Variants in SLC5A8 observed in about 807,000 individuals in gnomAD.
SLC5A8 encodes the protein sodium-coupled monocarboxylate transporter 1.
A neutral mutation model predicts 71.9 loss-of-function variants in SLC5A8; 55 were observed. The observed-to-expected ratio is 0.77, with a 90% CI of 0.62 to 0.96. SLC5A8 has a LOEUF of 0.96. Ranked by LOEUF, SLC5A8 falls within the 40% of genes least tolerant of loss-of-function variation. SLC5A8 has a pLI of 0.00. For missense variants in SLC5A8, 701 were observed against 745.3 expected (o/e 0.94, Z 0.69); for synonymous variants, 307 against 276.1 (o/e 1.11, Z -1.11).
At chr12:101,192,902 C>CTT (rs546151360) in intron 5 of SLC5A8, among the ~76,000 whole-genome samples, 2 of 139,792 alleles carry the variant, frequency 1.4e-5, no homozygotes, top group African/African-American at 5.2e-5. Flanking sequence ...GTCTCTGTCT[C>CTT]TTTTTTTTTT....
intron 7 of SLC5A8, among the ~76,000 whole-genome samples, chr12:101,185,459 A>C (rs1868591965): frequency 6.6e-6 from 1 of 152,208 alleles, no homozygotes; most frequent in Admixed American, 6.5e-5. Flanking sequence ...ATGAAATAGG[A>C]TTGATGGAGA....
chr12:101,200,570 G>C (rs554952327), intron 3 of SLC5A8, among the ~76,000 whole-genome samples: 1 of 152,054 alleles, frequency 6.6e-6, no homozygotes, highest in Admixed American at 6.6e-5. Flanking sequence ...AAAAATCAGG[G>C]AAATGTAAAC....
chr12:101,209,948 G>T lies in SLC5A8; in HGVS notation c.-100C>A. 1 of 1,158,272 alleles carries T rather than the reference G, an allele frequency of 8.6e-7. No homozygotes were observed. The highest frequency in any genetic ancestry group is 1.2e-6 in the Non-Finnish European group (1 of 860,676). 71.7% of individuals were successfully genotyped at this position (1,158,272 alleles called of 1,614,324 possible). On this transcript the variant is annotated 5_prime_UTR_variant, in exon 1 of 15. Coordinates refer to ENST00000536262, the MANE Select transcript of SLC5A8 (RefSeq NM_145913.5). The stretch of plus-strand genomic sequence containing the variant: ...CTTATCCCGGATCCCTGGCGCGCAG[G>T]CGTGGCGTCCCGCGGGGACTGGAGG...
In SLC5A8 at chr12:101,195,137, C is replaced by T. The variant is rs200010622; in HGVS notation, c.495G>A (p.Ala165=). ...NQVTGFDLWG[A]VVATGVVCTF... ...TGCAGACCACCCCCGTTGCCACTAC[C>T]GCGCCCCACAGATCAAATCCTGTGA... The change falls in exon 4 of 15, where the codon GCG becomes GCA. Residue 165 remains alanine, a synonymous_variant. Transcript: ENST00000536262. 1.1e-5 allele frequency: 17 copies of T among 1,613,900 alleles called. No individual in the cohort carries two copies. The highest frequency in any genetic ancestry group is 3.3e-5 in the South Asian group (3 of 91,066).
chr12:101,171,135 A>T (rs547571380), intron 10 of SLC5A8, among the ~76,000 whole-genome samples: 46 of 152,088 alleles, frequency 3.0e-4, no homozygotes, highest in Non-Finnish European at 5.6e-4. Flanking sequence ...CTCCTTTCTT[A>T]TACTTGTATT....
intron 10 of SLC5A8, among the ~76,000 whole-genome samples, chr12:101,173,126 T>A (rs1261666136): frequency 6.6e-6 from 1 of 152,214 alleles, no homozygotes; most frequent in Non-Finnish European, 1.5e-5. Flanking sequence ...ACTCTGTGCC[T>A]GGATAAGCTC....
chr12:101,190,543 C>T lies in SLC5A8; in HGVS notation c.758G>A (p.Trp253Ter), dbSNP rs770091358. ...TTGGTTGACACCGTAGATGCTGGTC[C>T]ATGTGAAGGTCCCTCCTATAATAAT... ...WTIIIGGTFT[W>*]TSIYGVNQSQ... Residue 253 changes from tryptophan to a stop codon, truncating the protein, a stop_gained, in exon 6 of 15, where the codon TGG (tryptophan) becomes TAG (stop). Transcript: ENST00000536262. LOFTEE classifies it high-confidence loss of function. The T allele has an allele frequency of 6.2e-7, 1 of 1,613,094 alleles. No individual in the cohort carries two copies. The highest frequency in any genetic ancestry group is 1.1e-5 in the South Asian group (1 of 90,894).
At position 101,166,666 on chromosome 12, in the gene SLC5A8, T is replaced by G. The variant is rs768182125; in HGVS notation, c.1354A>C (p.Ile452Leu). 5 of 1,612,500 alleles carry G rather than the reference T, an allele frequency of 3.1e-6. No individual in the cohort carries two copies. Among genetic ancestry groups the G allele is most frequent in the Non-Finnish European group, 4.2e-6 (5 of 1,179,538 alleles). The part of the protein sequence containing the change: ...ALVGLMAGFA[I>L]SLWVGIGAQI... ...GCTCCAATTCCAACCCATAGAGAAA[T>G]GGCAAATCCAGCCATCAGACCAACA... The change falls in exon 12 of 15, where the codon ATT becomes CTT. Residue 452 changes from isoleucine (I) to leucine (L), a missense_variant. Coordinates refer to ENST00000536262, the MANE Select transcript of SLC5A8 (RefSeq NM_145913.5).
intron 10 of SLC5A8, among the ~76,000 whole-genome samples, chr12:101,171,776 A>T (rs1477102329): frequency 6.6e-6 from 1 of 152,162 alleles, no homozygotes; most frequent in Non-Finnish European, 1.5e-5. Context: ...TGGGTGGCCA[A>T]AATGTGGTGG....
intron 5 of SLC5A8, 39 bp downstream of exon 5, chr12:101,193,586 C>A: frequency 6.4e-7 from 1 of 1,570,106 alleles, no homozygotes; most frequent in Non-Finnish European, 8.6e-7. Context: ...TTATAGAATA[C>A]AAAAGATGTG....
chr12:101,163,814 C>T (rs983618739), intron 12 of SLC5A8, among the ~76,000 whole-genome samples: 2 of 152,174 alleles, frequency 1.3e-5, no homozygotes, highest in Non-Finnish European at 2.9e-5. Context: ...AATAGACCCA[C>T]AGAAAAATAG....
chr12:101,182,832 C>T lies in SLC5A8; in HGVS notation c.1136G>A (p.Arg379Lys), dbSNP rs770351606. The T allele has an allele frequency of 1.9e-6, 3 of 1,592,608 alleles. No individual in the cohort carries two copies. Among genetic ancestry groups the T allele is most frequent in the South Asian group, 2.3e-5 (2 of 86,274 alleles). The change falls in exon 9 of 15, where the codon AGG becomes AAG. Residue 379 changes from arginine to lysine, a missense_variant. Physicochemically the swap from Arg to Lys is conservative, Grantham distance 26. Transcript: ENST00000536262. ...IKPYFRSLSE[R>K]SLSWISQGMS... Reference sequence around the variant, plus strand: ...TCCTTGGGAAATCCAAGACAGAGACCTTTCTGAGAGCGATCTGAAGTAAGG... The same window carrying T: ...TCCTTGGGAAATCCAAGACAGAGACTTTTCTGAGAGCGATCTGAAGTAAGG...
chr12:101,183,026 T>C (rs1868437433), intron 8 of SLC5A8, 111 bp from the exon 9 acceptor site: 1 of 388,960 alleles, frequency 2.6e-6, no homozygotes, highest in South Asian at 5.6e-5. Context: ...TAACCTGATT[T>C]CTACTATGCT....
intron 9 of SLC5A8, among the ~76,000 whole-genome samples, chr12:101,181,062 T>C (rs1430713980): frequency 2.0e-5 from 3 of 152,184 alleles, no homozygotes; most frequent in African/African-American, 7.2e-5. Flanking sequence ...ATTTCCCAAA[T>C]GCAAAACTCA....
At chr12:101,192,774 T>A (rs1447932936) in intron 5 of SLC5A8, among the ~76,000 whole-genome samples, 1 of 152,136 alleles carries the variant, frequency 6.6e-6, no homozygotes, top group Non-Finnish European at 1.5e-5. Flanking sequence ...TTATAATACA[T>A]AATCATAAGC....
At chr12:101,202,068 A>G in intron 3 of SLC5A8, 96 bp downstream of exon 3, 1 of 1,191,888 alleles carries the variant, frequency 8.4e-7, no homozygotes, top group East Asian at 2.5e-5. Context: ...TACTAGAAGC[A>G]TTCCTCCATC....
chr12:101,203,473 C>A (rs1196222897), intron 2 of SLC5A8, among the ~76,000 whole-genome samples: 1 of 152,082 alleles, frequency 6.6e-6, no homozygotes, highest in Non-Finnish European at 1.5e-5. Context: ...TTAGCCTCCC[C>A]AGTAGCTGGG....
At chr12:101,186,184 T>C (rs1380138806) in intron 7 of SLC5A8, among the ~76,000 whole-genome samples, 1 of 148,560 alleles carries the variant, frequency 6.7e-6, no homozygotes, top group African/African-American at 2.5e-5. Context: ...ACAATACAGA[T>C]TGATAACAGT....
chr12:101,185,832 C>G (rs1287290073), intron 7 of SLC5A8, among the ~76,000 whole-genome samples: 1 of 152,288 alleles, frequency 6.6e-6, no homozygotes, highest in Admixed American at 6.5e-5. Context: ...CCTGCCTCAG[C>G]CTTCCCAAGT....
Sources: allele counts gnomAD v4.1 joint callset (sites outside exome capture counted in the v4.1 genomes callset), GRCh38; gene constraint gnomAD v4.1.1; transcripts MANE v1.5; gene names NCBI Gene and HGNC (gene_info 2026-07-23, HGNC 2026-07-21).